AFG2A: variants seen among roughly 807,000 people sequenced by gnomAD.
AFG2A encodes the protein AAA ATPase AFG2A, also known as ATPase family gene 2 protein homolog A.
At chr4:123,244,122 T>C in the AFG2A span, among the ~76,000 whole-genome samples, 1 of 151,926 alleles carries the variant, frequency 6.6e-6, no homozygotes, top group South Asian at 2.1e-4. Flanking sequence ...TCTTGTATTA[T>C]CAGACAAGGT....
the AFG2A span, among the ~76,000 whole-genome samples, chr4:122,935,472 G>GTTT: frequency 1.4e-5 from 2 of 142,600 alleles, no homozygotes. Flanking sequence ...TGGGTGTCCA[G>GTTT]TTTTTTTTTT....
chr4:122,929,751 A>C, the AFG2A span, among the ~76,000 whole-genome samples: 2 of 152,070 alleles, frequency 1.3e-5, no homozygotes, highest in East Asian at 1.9e-4. Context: ...TTTCAAGCTA[A>C]GTCTTCAAAA....
At chr4:123,267,501 C>T in the AFG2A span, among the ~76,000 whole-genome samples, 4 of 152,122 alleles carry the variant, frequency 2.6e-5, no homozygotes, top group South Asian at 8.3e-4. Flanking sequence ...TAGATATTTT[C>T]CCTTTTCCTT....
At chr4:122,986,848 G>A in the AFG2A span, among the ~76,000 whole-genome samples, 1 of 152,098 alleles carries the variant, frequency 6.6e-6, no homozygotes, top group Admixed American at 6.6e-5. Context: ...TTAGTCTATA[G>A]TGCTCTTCAA....
At chr4:122,957,313 T>G in the AFG2A span, among the ~76,000 whole-genome samples, 1 of 152,202 alleles carries the variant, frequency 6.6e-6, no homozygotes, top group Non-Finnish European at 1.5e-5. Context: ...CAGACTAATG[T>G]TGGTTGTGAA....
the AFG2A span, among the ~76,000 whole-genome samples, chr4:123,065,458 C>T: frequency 6.6e-6 from 1 of 151,992 alleles, no homozygotes. Context: ...AACATAATAC[C>T]TGGTATTTAA....
the AFG2A span, among the ~76,000 whole-genome samples, chr4:123,036,515 T>A: frequency 6.6e-6 from 1 of 152,010 alleles, no homozygotes; most frequent in Non-Finnish European, 1.5e-5. Context: ...ATATGGAAAT[T>A]GAGATGAAAA....
chr4:123,168,030 C>T, the AFG2A span, among the ~76,000 whole-genome samples: 45 of 152,244 alleles, frequency 3.0e-4, no homozygotes, highest in African/African-American at 9.4e-4. Context: ...ATTCAAAACT[C>T]CAGTATCACT....
the AFG2A span, among the ~76,000 whole-genome samples, chr4:123,227,893 T>C: frequency 6.6e-6 from 1 of 152,184 alleles, no homozygotes; most frequent in Non-Finnish European, 1.5e-5. Flanking sequence ...ATCTGGGTGC[T>C]CTTGTATTGT....
the AFG2A span, among the ~76,000 whole-genome samples, chr4:123,296,753 G>A: frequency 6.6e-6 from 1 of 152,066 alleles, no homozygotes; most frequent in Non-Finnish European, 1.5e-5. Context: ...ATTTTCTATC[G>A]TTAAAAAATA....
chr4:123,060,399 A>T, the AFG2A span, among the ~76,000 whole-genome samples: 1 of 152,238 alleles, frequency 6.6e-6, no homozygotes, highest in African/African-American at 2.4e-5. Flanking sequence ...CTCTGCCTGA[A>T]CATCCAGGGA....
chr4:123,282,187 A>C, the AFG2A span, among the ~76,000 whole-genome samples: 11 of 152,182 alleles, frequency 7.2e-5, no homozygotes, highest in African/African-American at 2.7e-4. Context: ...AACTACCCTA[A>C]AAATTAAGTC....
At chr4:123,066,355 T>A in the AFG2A span, among the ~76,000 whole-genome samples, 1 of 152,194 alleles carries the variant, frequency 6.6e-6, no homozygotes, top group Admixed American at 6.5e-5. Flanking sequence ...ATAAATTTTT[T>A]AATGTGATTT....
chr4:123,059,435 A>T, the AFG2A span, among the ~76,000 whole-genome samples: 6 of 151,464 alleles, frequency 4.0e-5, no homozygotes, highest in African/African-American at 1.5e-4. Flanking sequence ...TAGTTTACTG[A>T]GAATGATGAT....
the AFG2A span, chr4:122,936,147 C>T: frequency 1.2e-6 from 2 of 1,604,588 alleles, no homozygotes; most frequent in Non-Finnish European, 1.7e-6. Context: ...TTTGCTGAAG[C>T]CACTCTACGG....
chr4:123,084,584 A>ATG, the AFG2A span, among the ~76,000 whole-genome samples: 2 of 112,162 alleles, frequency 1.8e-5, no homozygotes, highest in Admixed American at 1.9e-4. Context: ...TAAATAGTAT[A>ATG]TATATATGTG....
the AFG2A span, among the ~76,000 whole-genome samples, chr4:123,135,756 A>T: frequency 6.6e-6 from 1 of 152,332 alleles, no homozygotes; most frequent in East Asian, 1.9e-4. Flanking sequence ...CATTTTATAT[A>T]AAGGACTTGA....
the AFG2A span, chr4:122,947,239 A>AG: frequency 6.3e-7 from 1 of 1,579,726 alleles, no homozygotes; most frequent in African/African-American, 1.4e-5. Context: ...TTAGGAAGTA[A>AG]GTGAAGGACA....
At chr4:123,119,929 CA>C in the AFG2A span, among the ~76,000 whole-genome samples, 6 of 152,200 alleles carry the variant, frequency 3.9e-5, no homozygotes, top group East Asian at 1.2e-3. Context: ...TGAGTGCAAG[CA>C]GGGGTAATAC....
Sources: gnomAD v4.1 joint callset for allele counts (sites outside exome capture counted in the v4.1 genomes callset) on GRCh38, gnomAD v4.1.1 for gene constraint, MANE v1.5 for transcripts, NCBI Gene and HGNC (gene_info 2026-07-23, HGNC 2026-07-21) for gene names.